Variants in ARHGAP10 observed in about 807,000 individuals in gnomAD.
The protein encoded by ARHGAP10 is rho GTPase-activating protein 10.
ARHGAP10 carries 87 observed loss-of-function variants against 108.6 expected under a neutral mutation model. The observed-to-expected ratio is 0.80, with a 90% CI of 0.67 to 0.96. The LOEUF (loss-of-function observed/expected upper bound fraction) is 0.96, where lower values mean the gene tolerates loss of function less well. Among genes scored for constraint, ARHGAP10 ranks in the 40% least tolerant of loss-of-function variants. The pLI is 0.00. For synonymous variants in ARHGAP10, 347 were observed against 341.1 expected, an observed-to-expected ratio of 1.02 and a Z score of -0.19; for missense variants, 939 against 954.5, an observed-to-expected ratio of 0.98 and a Z score of 0.21.
At chr4:147,757,288 G>A (rs1232151358) in intron 1 of ARHGAP10, among the ~76,000 whole-genome samples, 5 of 146,662 alleles carry the variant, frequency 3.4e-5, no homozygotes, top group Non-Finnish European at 7.4e-5. Context: ...TCTGCCTCCC[G>A]TGTTCAAGCA....
At chr4:147,884,410 G>A (rs1735458232) in intron 10 of ARHGAP10, among the ~76,000 whole-genome samples, 1 of 152,156 alleles carries the variant, frequency 6.6e-6, no homozygotes, top group South Asian at 2.1e-4. Context: ...ACTTTATAGG[G>A]AGACTCTCTT....
At chr4:148,063,856 T>A (rs1312908144) in intron 21 of ARHGAP10, among the ~76,000 whole-genome samples, 1 of 152,216 alleles carries the variant, frequency 6.6e-6, no homozygotes, top group Non-Finnish European at 1.5e-5. Context: ...CAGAGGTTGC[T>A]TTAACAAATG....
intron 13 of ARHGAP10, among the ~76,000 whole-genome samples, chr4:147,935,433 G>C (rs1453296885): frequency 6.6e-6 from 1 of 152,248 alleles, no homozygotes; most frequent in South Asian, 2.1e-4. Context: ...ATTCAGGACT[G>C]TGTTGAAGAG....
rs182827912 is a variant in ARHGAP10, at chr4:147,918,204, C to T, written c.1228+5065C>T. On this transcript the variant is annotated intron_variant, in intron 13 of 22. Transcript: ENST00000336498. The stretch of plus-strand genomic sequence containing the variant: ...AGGCTGGAGTGCAGTGGCTTGATCT[C>T]GGCTCACTGCAAGCTCTGTCTCCTG... Among the ~76,000 whole-genome samples, 570 of 140,584 alleles carry T rather than the reference C, an allele frequency of 4.1e-3. 2 individuals are homozygous for T. Among genetic ancestry groups the T allele is most frequent in the Middle Eastern group, 0.02 (5 of 246 alleles). 92.2% of individuals were successfully genotyped at this position (140,584 alleles called of 152,430 possible).
chr4:147,950,298 A>G (rs1171677237), intron 15 of ARHGAP10, among the ~76,000 whole-genome samples: 3 of 152,166 alleles, frequency 2.0e-5, no homozygotes, highest in Non-Finnish European at 2.9e-5. Context: ...CAAATGGGAT[A>G]AAACTGGGTT....
chr4:147,787,949 T>C (rs1730959957), intron 1 of ARHGAP10, among the ~76,000 whole-genome samples: 1 of 152,268 alleles, frequency 6.6e-6, no homozygotes, highest in East Asian at 1.9e-4. Context: ...AATAAGGGGC[T>C]TAAGGCAAAA....
chr4:147,980,613 C>T (rs1349906095), intron 18 of ARHGAP10, among the ~76,000 whole-genome samples: 1 of 151,976 alleles, frequency 6.6e-6, no homozygotes, highest in Non-Finnish European at 1.5e-5. Flanking sequence ...GGATTGGTAC[C>T]AGCTCTTTTT....
intron 3 of ARHGAP10, among the ~76,000 whole-genome samples, chr4:147,825,262 C>T (rs1037076647): frequency 3.3e-5 from 5 of 152,106 alleles, no homozygotes; most frequent in African/African-American, 1.2e-4. Flanking sequence ...CCAGCCAGGC[C>T]AACCTGGTGA....
intron 14 of ARHGAP10, 80 bp downstream of exon 14, chr4:147,939,979 T>C: frequency 1.5e-6 from 2 of 1,295,728 alleles, no homozygotes; most frequent in Non-Finnish European, 2.2e-6. Context: ...TTCATAATAA[T>C]GTAGAGAATA....
At chr4:147,967,514 G>C (rs186282388) in intron 18 of ARHGAP10, among the ~76,000 whole-genome samples, 1 of 152,218 alleles carries the variant, frequency 6.6e-6, no homozygotes, top group Non-Finnish European at 1.5e-5. Context: ...GGTGATCCAT[G>C]TTGGGGTGAG....
intron 19 of ARHGAP10, among the ~76,000 whole-genome samples, chr4:148,024,545 C>T (rs1476269943): frequency 1.3e-5 from 2 of 152,158 alleles, no homozygotes; most frequent in African/African-American, 2.4e-5. Context: ...CCTGTAATGA[C>T]ACAGGGGGAC....
intron 20 of ARHGAP10, among the ~76,000 whole-genome samples, chr4:148,057,444 A>G (rs1204877968): frequency 6.6e-6 from 1 of 152,188 alleles, no homozygotes. Context: ...TAGAAACATG[A>G]CCTTGAGTAA....
chr4:148,028,287 G>A (rs910926584), intron 19 of ARHGAP10, among the ~76,000 whole-genome samples: 1 of 152,196 alleles, frequency 6.6e-6, no homozygotes, highest in Non-Finnish European at 1.5e-5. Context: ...AGTGTTGACA[G>A]TTGTGAATGA....
At chr4:147,880,507 T>C (rs1560806623) in intron 9 of ARHGAP10, among the ~76,000 whole-genome samples, 2 of 152,232 alleles carry the variant, frequency 1.3e-5, no homozygotes. Context: ...CTTAGTGATA[T>C]CTTTCTGTTT....
rs1412595182 is a variant in ARHGAP10, at chr4:147,736,737, CT to C, written c.154+4283del. ...AATCGTAGCTGCTCAATAAAATCACCTGGGGGAACTGTTAAAGCAGTCAGGG... is the reference window on the plus strand; with the variant it reads ...AATCGTAGCTGCTCAATAAAATCACCGGGGGAACTGTTAAAGCAGTCAGGG... On this transcript the variant is annotated intron_variant, in intron 1 of 22. Coordinates refer to ENST00000336498, the MANE Select transcript of ARHGAP10 (RefSeq NM_024605.4). Among the ~76,000 whole-genome samples the C allele has an allele frequency of 2.6e-5, 4 of 152,246 alleles. No individual in the cohort carries two copies. In the East Asian group the frequency reaches 7.7e-4, roughly 29 times the overall value.
At chr4:148,011,365 G>A (rs1741165455) in intron 18 of ARHGAP10, among the ~76,000 whole-genome samples, 1 of 152,214 alleles carries the variant, frequency 6.6e-6, no homozygotes, top group Non-Finnish European at 1.5e-5. Flanking sequence ...CTGTGGGCTG[G>A]AATCATCTGG....
chr4:148,055,625 T>C (rs1187089955), intron 20 of ARHGAP10, among the ~76,000 whole-genome samples: 1 of 151,940 alleles, frequency 6.6e-6, no homozygotes, highest in Admixed American at 6.6e-5. Context: ...AAGGCGGAGG[T>C]TGCAATGAGC....
At chr4:148,016,645 C>A (rs1235731894) in intron 18 of ARHGAP10, among the ~76,000 whole-genome samples, 1 of 152,180 alleles carries the variant, frequency 6.6e-6, no homozygotes, top group Non-Finnish European at 1.5e-5. Flanking sequence ...AGCTCTGCAG[C>A]AAGCACCAGC....
At chr4:148,031,021 T>C (rs1348111747) in intron 19 of ARHGAP10, among the ~76,000 whole-genome samples, 2 of 152,128 alleles carry the variant, frequency 1.3e-5, no homozygotes, top group Non-Finnish European at 2.9e-5. Context: ...ATTATACCAC[T>C]GCACTCCAGC....
Sources: allele counts gnomAD v4.1 joint callset (sites outside exome capture counted in the v4.1 genomes callset), GRCh38; gene constraint gnomAD v4.1.1; transcripts MANE v1.5; gene names NCBI Gene and HGNC (gene_info 2026-07-23, HGNC 2026-07-21).